The following IGF1R variants were observed in gnomAD, a reference collection of about 807,000 sequenced individuals.
IGF1R encodes insulin-like growth factor 1 receptor.
In IGF1R, 44 loss-of-function variants were observed where a neutral mutation model predicts 144.6. The observed-to-expected ratio is 0.30, with a 90% CI of 0.24 to 0.39. The LOEUF is 0.39. Ranked by LOEUF, IGF1R falls within the 10% of genes least tolerant of loss-of-function variation. The pLI, the probability that IGF1R is intolerant of heterozygous loss-of-function variation, is 1.00. For synonymous variants in IGF1R, 795 were observed against 722.8 expected, an observed-to-expected ratio of 1.10 and a Z score of -1.60; for missense variants, 1,355 against 1,833.7, an observed-to-expected ratio of 0.74 and a Z score of 4.77.
chr15:98,708,328 C>G (rs1431812696), intron 2 of IGF1R, among the ~76,000 whole-genome samples: 1 of 152,158 alleles, frequency 6.6e-6, no homozygotes, highest in Non-Finnish European at 1.5e-5. Context: ...TGTGGCGTGG[C>G]TGGAGGCCAT....
At chr15:98,701,870 T>C in intron 1 of IGF1R, among the ~76,000 whole-genome samples, 1 of 152,132 alleles carries the variant, frequency 6.6e-6, no homozygotes. Context: ...GTATTACTGT[T>C]TGCAGTAACA....
chr15:98,695,432 C>T (rs62024481), intron 1 of IGF1R, among the ~76,000 whole-genome samples: 25,274 of 152,168 alleles, frequency 0.17, 2,394 homozygotes, highest in Admixed American at 0.23. Flanking sequence ...CTGTAGCATC[C>T]TTGTCAGCCT....
chr15:98,823,567 C>G (rs2056839579), intron 2 of IGF1R, among the ~76,000 whole-genome samples: 1 of 152,188 alleles, frequency 6.6e-6, no homozygotes, highest in South Asian at 2.1e-4. Flanking sequence ...CCAGTACGGC[C>G]AAAACCATTT....
At chr15:98,780,208 A>G (rs1459447811) in intron 2 of IGF1R, among the ~76,000 whole-genome samples, 2 of 152,056 alleles carry the variant, frequency 1.3e-5, no homozygotes, top group African/African-American at 4.8e-5. Flanking sequence ...TGTGTCAGGC[A>G]CTTTTCTAAG....
At chr15:98,882,076 G>A (rs1403065487) in intron 2 of IGF1R, among the ~76,000 whole-genome samples, 1 of 152,228 alleles carries the variant, frequency 6.6e-6, no homozygotes, top group Non-Finnish European at 1.5e-5. Context: ...CAGAGAAACG[G>A]CAAGCAAGCT....
At chr15:98,886,413 T>A (rs1396741265) in intron 2 of IGF1R, among the ~76,000 whole-genome samples, 1 of 152,240 alleles carries the variant, frequency 6.6e-6, no homozygotes, top group Admixed American at 6.5e-5. Flanking sequence ...TCCAACAGTT[T>A]AGATGGGCCT....
chr15:98,748,774 G>T (rs764347692), intron 2 of IGF1R, among the ~76,000 whole-genome samples: 2 of 152,154 alleles, frequency 1.3e-5, no homozygotes, highest in Non-Finnish European at 2.9e-5. Context: ...TATGTAAGTT[G>T]GTATCTTCAC....
At chr15:98,708,750 G>A (rs958476860) in intron 2 of IGF1R, among the ~76,000 whole-genome samples, 1 of 152,278 alleles carries the variant, frequency 6.6e-6, no homozygotes. Context: ...CTTGCAGGTA[G>A]CTGTGTAGCA....
In IGF1R at chr15:98,960,007, A is replaced by G. The variant is rs573409646; in HGVS notation, c.*2565A>G. On this transcript the variant is annotated 3_prime_UTR_variant, in exon 21 of 21. Transcript: ENST00000650285. ...TGTATGTGTGGGGTGTGTGTGTGTG[A>G]GAGTGATGGGACAGTTCTTGATTTT... The G allele has an allele frequency of 2.1e-5, 5 of 233,114 alleles. No homozygotes were observed. The East Asian group carries it at 3.0e-4, about 14-fold the overall frequency. The allele number at this position is 233,114 out of a possible 1,614,324, so 14.4% of individuals were successfully genotyped here.
chr15:98,875,270 G>A (rs1018549157), intron 2 of IGF1R, among the ~76,000 whole-genome samples: 3 of 151,184 alleles, frequency 2.0e-5, no homozygotes, highest in African/African-American at 7.3e-5. Context: ...TTCAAGTCCA[G>A]AATGTTGGAT....
intron 13 of IGF1R, among the ~76,000 whole-genome samples, 186 bp downstream of exon 13, chr15:98,924,870 G>T (rs980372539): frequency 2.6e-5 from 4 of 152,304 alleles, no homozygotes; most frequent in African/African-American, 9.6e-5. Context: ...CAGGGCAGAT[G>T]CCGAGCTTTG....
chr15:98,763,252 TA>T (rs2055352428), intron 2 of IGF1R, among the ~76,000 whole-genome samples: 1 of 152,334 alleles, frequency 6.6e-6, no homozygotes, highest in South Asian at 2.1e-4. Flanking sequence ...TCGTCTTACA[TA>T]ACCTAGTTAG....
chr15:98,667,493 G>A (rs562059245), intron 1 of IGF1R, among the ~76,000 whole-genome samples: 1 of 152,236 alleles, frequency 6.6e-6, no homozygotes, highest in Non-Finnish European at 1.5e-5. Flanking sequence ...TTGGAGGGAC[G>A]CGCTGCTAGA....
chr15:98,655,717 ATT>A (rs962200072), intron 1 of IGF1R, among the ~76,000 whole-genome samples: 1 of 147,248 alleles, frequency 6.8e-6, no homozygotes, highest in African/African-American at 2.6e-5. Flanking sequence ...TGGACTACAG[ATT>A]TTTTTTTCTT....
chr15:98,706,949 A>C (rs1438475095), intron 1 of IGF1R, among the ~76,000 whole-genome samples: 1 of 144,146 alleles, frequency 6.9e-6, no homozygotes, highest in Non-Finnish European at 1.5e-5. Context: ...TAATCTTGTT[A>C]GGTTATCCTT....
chr15:98,696,426 T>C (rs1351710327), intron 1 of IGF1R, among the ~76,000 whole-genome samples: 2 of 152,212 alleles, frequency 1.3e-5, no homozygotes, highest in Non-Finnish European at 2.9e-5. Flanking sequence ...ACTAAGCTAT[T>C]CAGATGTAGT....
chr15:98,775,335 G>T (rs1729427453), intron 2 of IGF1R, among the ~76,000 whole-genome samples: 1 of 152,156 alleles, frequency 6.6e-6, no homozygotes, highest in African/African-American at 2.4e-5. Flanking sequence ...TTATCACCTG[G>T]GGAGCTTTGA....
At chr15:98,682,148 G>A (rs892059943) in intron 1 of IGF1R, among the ~76,000 whole-genome samples, 6 of 152,158 alleles carry the variant, frequency 3.9e-5, no homozygotes, top group Non-Finnish European at 8.8e-5. Context: ...TTTGGTCACA[G>A]GAAGTGTTCA....
intron 2 of IGF1R, among the ~76,000 whole-genome samples, chr15:98,875,289 T>TGAAGAAGA (rs2013000861): frequency 6.6e-6 from 1 of 152,118 alleles, no homozygotes; most frequent in African/African-American, 2.4e-5. Context: ...ATAAGATTTT[T>TGAAGAAGA]GAAGAAGAGA....
Sources: allele counts gnomAD v4.1 joint callset (sites outside exome capture counted in the v4.1 genomes callset), GRCh38; gene constraint gnomAD v4.1.1; transcripts MANE v1.5; gene names NCBI Gene and HGNC (gene_info 2026-07-23, HGNC 2026-07-21).